Variants in MAPK8IP3 observed in about 807,000 individuals in gnomAD.
MAPK8IP3 encodes the protein C-Jun-amino-terminal kinase-interacting protein 3.
In MAPK8IP3, 49 loss-of-function variants were observed where a neutral mutation model predicts 157.8. The observed-to-expected ratio is 0.31, with a 90% confidence interval of 0.25 to 0.39. MAPK8IP3 has a LOEUF of 0.39. Ranked by LOEUF, MAPK8IP3 falls within the 10% of genes least tolerant of loss-of-function variation. The pLI, the probability that MAPK8IP3 is intolerant of heterozygous loss-of-function variation, is 1.00. For synonymous variants in MAPK8IP3, 897 were observed against 777.7 expected (o/e 1.15, Z -2.55); for missense variants, 1,478 against 1,889.4 (o/e 0.78, Z 4.04).
At chr16:1,744,842 ATTTT>A in intron 5 of MAPK8IP3, 1 of 976,488 alleles carries the variant, frequency 1.0e-6, no homozygotes. Flanking sequence ...GTTTTATTTG[ATTTT>A]TCTTTATTTT....
intron 8 of MAPK8IP3, among the ~76,000 whole-genome samples, chr16:1,750,460 G>A (rs931156036): frequency 5.3e-5 from 8 of 152,074 alleles, no homozygotes; most frequent in Non-Finnish European, 8.8e-5. Context: ...TGATCCACCC[G>A]CCTCAGGCTC....
chr16:1,734,901 G>A (rs111502314), intron 4 of MAPK8IP3: 3,554 of 154,762 alleles, frequency 0.023, 45 homozygotes, highest in Non-Finnish European at 0.037. Context: ...GAATGCAGTC[G>A]GTGTGAGTGC....
Position 1,769,706 on chromosome 16 carries a change from G to A in MAPK8IP3, c.*882G>A, listed in dbSNP as rs1391977763. ...CTGGCCTCTCCGGGATCAGTCCTAG[G>A]ACACAGGCTCAGCCTCAGGTTGATG... On this transcript the variant is annotated 3_prime_UTR_variant, in exon 32 of 32. Coordinates refer to ENST00000610761, the MANE Select transcript of MAPK8IP3 (RefSeq NM_001318852.2). 1 of 152,668 alleles carries A rather than the reference G, an allele frequency of 6.6e-6. No homozygotes were observed. Among genetic ancestry groups the A allele is most frequent in the Non-Finnish European group, 1.5e-5 (1 of 68,292 alleles). The allele number at this position is 152,668 out of a possible 1,614,324, so 9.5% of individuals were successfully genotyped here.
rs1461864502 is a variant in MAPK8IP3 at position 1,767,304 on chromosome 16, GCCGGCCAGGGCC to G, written c.3237+12_3237+23del. ...CAAGACCATGCAGATAGAGGCGAGT[GCCGGCCAGGGCC>G]CCGGGGAGGGGAAGAGGCTCCTGCT... On this transcript the variant is annotated splice_region_variant and intron_variant, in intron 26 of 31. Transcript: ENST00000610761. 6.2e-7 allele frequency: 1 copy of G among 1,612,750 alleles called. No individual in the cohort carries two copies. Among genetic ancestry groups the G allele is most frequent in the Admixed American group, 1.7e-5 (1 of 60,020 alleles).
chr16:1,753,921 C>G (rs1209930541), intron 8 of MAPK8IP3, among the ~76,000 whole-genome samples: 1 of 151,936 alleles, frequency 6.6e-6, no homozygotes, highest in Non-Finnish European at 1.5e-5. Flanking sequence ...CGCCTATAAT[C>G]CCAGCACTCT....
In MAPK8IP3 at chr16:1,769,769, G is replaced by C. The variant is rs1234286643; in HGVS notation, c.*945G>C. On this transcript the variant is annotated 3_prime_UTR_variant, in exon 32 of 32. Coordinates refer to ENST00000610761, the MANE Select transcript of MAPK8IP3 (RefSeq NM_001318852.2). ...CTCCCGGGGCCTGCCTCCTGCACGGGGCTCCACGGAGCCCAGCTCCCAGAC... is the reference window on the plus strand; with the variant it reads ...CTCCCGGGGCCTGCCTCCTGCACGGCGCTCCACGGAGCCCAGCTCCCAGAC... 3 of 152,950 alleles carry C rather than the reference G, an allele frequency of 2.0e-5. No individual in the cohort carries two copies. The highest frequency in any genetic ancestry group is 4.8e-5 in the African/African-American group (2 of 41,428). 9.5% of individuals were successfully genotyped at this position (152,950 alleles called of 1,614,324 possible).
In MAPK8IP3 at chr16:1,765,968, G is replaced by A. The variant is rs765897202; in HGVS notation, c.2455G>A (p.Asp819Asn). 1.6e-5 allele frequency: 25 copies of A among 1,611,336 alleles called. No individual in the cohort carries two copies. The East Asian group carries it at 3.8e-4, about 24-fold the overall frequency. ...GCCGTCCCTCTCCCCAGCGGCCAGC[G>A]ACAGCGACTACCCTCCCGGGGAGAT... Reference protein sequence around the residue: ...LCISSIPAASDSDYPPGEMFL... With the variant: ...LCISSIPAASNSDYPPGEMFL... Residue 819 changes from aspartate (D) to asparagine (N), a missense_variant, in exon 21 of 32, where the codon GAC (aspartate) becomes AAC (asparagine). By Grantham distance (23) the Asp-to-Asn change is conservative. Transcript: ENST00000610761.
chr16:1,768,588 T>C lies in MAPK8IP3; in HGVS notation c.3854T>C (p.Val1285Ala). 1.3e-6 allele frequency: 2 copies of C among 1,595,346 alleles called. No individual in the cohort carries two copies. The highest frequency in any genetic ancestry group is 1.7e-6 in the Non-Finnish European group (2 of 1,171,756). The change falls in exon 31 of 32, where the codon GTG (valine) becomes GCG (alanine). Residue 1285 changes from valine to alanine, a missense_variant. By Grantham distance (64) the Val-to-Ala change is moderately conservative. This residue lies in a region of MAPK8IP3 where 133 missense variants were observed against 133.4 expected (regional missense o/e 1.00). Transcript: ENST00000610761. ...GGCCAGAAGCTGCGGAACGTGCTGG[T>C]GCTGAGCGGCGGGGAGGGCTACATC... is the stretch of plus-strand genomic sequence containing the variant. Reference protein sequence around the residue: ...VEGQKLRNVLVLSGGEGYIDF... With the variant: ...VEGQKLRNVLALSGGEGYIDF...
chr16:1,736,695 C>T (rs1380407876), intron 4 of MAPK8IP3, among the ~76,000 whole-genome samples: 1 of 49,742 alleles, frequency 2.0e-5, no homozygotes, highest in Non-Finnish European at 3.6e-5. Context: ...TGTGACCGAC[C>T]GTGTGAGCGT....
chr16:1,728,321 T>G (rs1267136472), intron 2 of MAPK8IP3, among the ~76,000 whole-genome samples: 2 of 152,212 alleles, frequency 1.3e-5, no homozygotes, highest in African/African-American at 4.8e-5. Context: ...CCTCGGCGTG[T>G]GTGAGGGACC....
chr16:1,706,338 C>G lies in MAPK8IP3; in HGVS notation c.-2C>G, dbSNP rs2037384277. On this transcript the variant is annotated 5_prime_UTR_variant, in exon 1 of 32. Coordinates refer to ENST00000610761, the MANE Select transcript of MAPK8IP3 (RefSeq NM_001318852.2). This position sits in a 1 kb window ranked among gnomAD's most constrained non-coding sequence, Gnocchi z 5.1. ...GCCGCGCTGGCGGCGGCGGTGGCCGCGATGATGGAGATCCAGATGGACGAG... is the reference window on the plus strand; with the variant it reads ...GCCGCGCTGGCGGCGGCGGTGGCCGGGATGATGGAGATCCAGATGGACGAG... 6.4e-7 allele frequency: 1 copy of G among 1,563,404 alleles called. No individual in the cohort carries two copies. The highest frequency in any genetic ancestry group is 8.7e-7 in the Non-Finnish European group (1 of 1,154,642).
chr16:1,720,830 C>T (rs1175437706), intron 1 of MAPK8IP3, among the ~76,000 whole-genome samples: 1 of 151,548 alleles, frequency 6.6e-6, no homozygotes, highest in Non-Finnish European at 1.5e-5. Context: ...GTCAGGGGAT[C>T]AAGACCATCC....
chr16:1,711,282 CT>C (rs148237999), intron 1 of MAPK8IP3, among the ~76,000 whole-genome samples: 1 of 152,328 alleles, frequency 6.6e-6, no homozygotes, highest in African/African-American at 2.4e-5. Context: ...TTGTTGTGTC[CT>C]GTGTTCTGCG....
intron 6 of MAPK8IP3, 24 bp from the exon 7 acceptor site, chr16:1,748,220 A>G: frequency 6.4e-7 from 1 of 1,573,932 alleles, no homozygotes; most frequent in South Asian, 1.1e-5. Context: ...TCCTGACCCC[A>G]GGTGCCCCTG....
At position 1,736,439 on chromosome 16, in the gene MAPK8IP3, ACTGT is replaced by A. The variant is rs570264020; in HGVS notation, c.602+6863_602+6866del. On this transcript the variant is annotated intron_variant, in intron 4 of 31. Transcript: ENST00000610761. The stretch of plus-strand genomic sequence containing the variant: ...GTGTAAGCATCCGTGTGAGCGTGTG[ACTGT>A]CCGTGTGAGCGTGTGACCATCCATG... Among the ~76,000 whole-genome samples, 84 of 49,818 alleles carry A rather than the reference ACTGT, an allele frequency of 1.7e-3. 1 individual carries two copies. Among genetic ancestry groups the A allele is most frequent in the Non-Finnish European group, 1.9e-3 (54 of 28,716 alleles). 32.7% of individuals were successfully genotyped at this position (49,818 alleles called of 152,430 possible).
chr16:1,748,623 C>T lies in MAPK8IP3; in HGVS notation c.1119C>T (p.Asn373=), dbSNP rs1319670093. The part of the protein sequence containing the change: ...TGSSPTQGIV[N]KAFGINTDSL... ...ACAGCCCAACCCAGGGCATCGTGAA[C>T]AAAGCTTTCGGCATCAACACCGACT... The change falls in exon 8 of 32, where the codon AAC becomes AAT. Residue 373 remains asparagine, a synonymous_variant. Coordinates refer to ENST00000610761, the MANE Select transcript of MAPK8IP3 (RefSeq NM_001318852.2). The T allele has an allele frequency of 6.2e-7, 1 of 1,614,116 alleles. No homozygotes were observed. Among genetic ancestry groups the T allele is most frequent in the Non-Finnish European group, 8.5e-7 (1 of 1,179,992 alleles).
Position 1,737,155 on chromosome 16 carries a change from TCCGTGTGAGCATCCGTGTGA to T in MAPK8IP3, c.603-6176_603-6157del, listed in dbSNP as rs1413078498. Among the ~76,000 whole-genome samples the T allele has an allele frequency of 7.2e-5, 6 of 83,850 alleles. 1 individual carries two copies. The highest frequency in any genetic ancestry group is 1.4e-4 in the Non-Finnish European group (6 of 43,282). 55.0% of individuals were successfully genotyped at this position (83,850 alleles called of 152,430 possible). ...GTGAGCATGTGACCATCCGTGACCGTCCGTGTGAGCATCCGTGTGAGCGTGTGACCGTCCGTGTGAGCGTG... is the reference window on the plus strand; with the variant it reads ...GTGAGCATGTGACCATCCGTGACCGTGCGTGTGACCGTCCGTGTGAGCGTG... On this transcript the variant is annotated intron_variant, in intron 4 of 31. Coordinates refer to ENST00000610761, the MANE Select transcript of MAPK8IP3 (RefSeq NM_001318852.2).
At chr16:1,727,684 G>C (rs527710784) in intron 2 of MAPK8IP3, among the ~76,000 whole-genome samples, 2 of 152,320 alleles carry the variant, frequency 1.3e-5, no homozygotes, top group Admixed American at 6.5e-5. Flanking sequence ...AGGCTCCTTA[G>C]GGAAGACCAG....
Position 1,736,728 on chromosome 16 carries a change from G to A in MAPK8IP3, c.603-6604G>A, listed in dbSNP as rs372864461. 6.4e-5 allele frequency among the ~76,000 whole-genome samples: 5 copies of A among 78,094 alleles called. No individual in the cohort carries two copies. The South Asian group carries it at 2.0e-3, about 31-fold the overall frequency. 51.2% of individuals were successfully genotyped at this position (78,094 alleles called of 152,430 possible). A position where few individuals can be genotyped will look rare whatever the true frequency, so the allele number is the denominator to read the frequency against. On this transcript the variant is annotated intron_variant, in intron 4 of 31. Coordinates refer to ENST00000610761, the MANE Select transcript of MAPK8IP3 (RefSeq NM_001318852.2). Reference sequence around the variant, plus strand: ...CGTCCGTGTGAGCGTGTGACCGTCCGTGTGAGCGTGTGACCATCCATGTGA... The same window carrying A: ...CGTCCGTGTGAGCGTGTGACCGTCCATGTGAGCGTGTGACCATCCATGTGA...
Sources: gnomAD v4.1 joint callset for allele counts (sites outside exome capture counted in the v4.1 genomes callset) on GRCh38, gnomAD v4.1.1 for gene constraint, gnomAD v4.1.1 regional missense constraint, Gnocchi (gnomAD v3.1) non-coding constraint, MANE v1.5 for transcripts, NCBI Gene and HGNC (gene_info 2026-07-23, HGNC 2026-07-21) for gene names.